The following ELP4 variants were observed in gnomAD, a reference collection of about 807,000 sequenced individuals.
ELP4 encodes the protein elongator complex protein 4.
Under a neutral mutation model 48.9 loss-of-function variants are expected in ELP4, and 51 were observed. The observed-to-expected ratio is 1.04, with a 90% CI of 0.83 to 1.32. The LOEUF (loss-of-function observed/expected upper bound fraction) is 1.32. Among genes scored for constraint, ELP4 ranks in the 40% most tolerant of loss-of-function variants. The probability of loss-of-function intolerance (pLI) is 0.00; values close to 1 mark genes in which losing one functional copy is unlikely to be tolerated. For synonymous variants in ELP4, 210 were observed against 189.2 expected, an observed-to-expected ratio of 1.11 and a Z score of -0.90; for missense variants, 519 against 514.6, an observed-to-expected ratio of 1.01 and a Z score of -0.08.
intron 4 of ELP4, among the ~76,000 whole-genome samples, chr11:31,596,679 G>A (rs1427207644): frequency 6.6e-6 from 1 of 152,062 alleles, no homozygotes; most frequent in Non-Finnish European, 1.5e-5. Flanking sequence ...TAATTTGTGT[G>A]GAAACTATTT....
At chr11:31,714,020 A>G (rs1946792834) in intron 9 of ELP4, among the ~76,000 whole-genome samples, 1 of 152,150 alleles carries the variant, frequency 6.6e-6, no homozygotes, top group South Asian at 2.1e-4. Context: ...AAGAATGCCA[A>G]GTAGAGTAGA....
chr11:31,572,852 A>C (rs1294196542), intron 3 of ELP4, among the ~76,000 whole-genome samples: 1 of 152,018 alleles, frequency 6.6e-6, no homozygotes, highest in African/African-American at 2.4e-5. Context: ...AAATAGGAAA[A>C]CAGTTAGCTG....
intron 9 of ELP4, among the ~76,000 whole-genome samples, chr11:31,661,524 G>A (rs1289123363): frequency 2.6e-5 from 4 of 151,944 alleles, no homozygotes; most frequent in East Asian, 1.9e-4. Flanking sequence ...GAGCATAGGT[G>A]TTATAAACGT....
chr11:31,603,918 G>C lies in ELP4; in HGVS notation c.653+11G>C. ...CAAAGTAGAACCCTGGTAAGTTAAT[G>C]ACCCATTTAATAACAAAATCTGATT... On this transcript the variant is annotated intron_variant, in intron 5 of 9. Transcript: ENST00000640961. 1 of 1,603,046 alleles carries C rather than the reference G, an allele frequency of 6.2e-7. No homozygotes were observed. The highest frequency in any genetic ancestry group is 8.5e-7 in the Non-Finnish European group (1 of 1,174,122).
chr11:31,578,510 C>T (rs185584555), intron 3 of ELP4, among the ~76,000 whole-genome samples: 15 of 152,168 alleles, frequency 9.9e-5, no homozygotes, highest in Admixed American at 4.6e-4. Flanking sequence ...AACAAAGCTG[C>T]GGGCATCGTG....
intron 9 of ELP4, among the ~76,000 whole-genome samples, chr11:31,679,292 A>C (rs998794087): frequency 6.6e-6 from 1 of 152,192 alleles, no homozygotes; most frequent in Non-Finnish European, 1.5e-5. Flanking sequence ...ACATGTCTTG[A>C]TTATGGTAGC....
chr11:31,769,520 G>C (rs769982625), intron 9 of ELP4, among the ~76,000 whole-genome samples: 1 of 152,198 alleles, frequency 6.6e-6, no homozygotes, highest in Non-Finnish European at 1.5e-5. Context: ...TCTGATTCCT[G>C]ACTTTTCACA....
chr11:31,556,348 T>C (rs1250884455), intron 3 of ELP4, among the ~76,000 whole-genome samples: 1 of 151,932 alleles, frequency 6.6e-6, no homozygotes, highest in African/African-American at 2.4e-5. Context: ...ATGATGAGTA[T>C]TTTCCATGAA....
chr11:31,549,562 T>C (rs1218329473), intron 3 of ELP4, among the ~76,000 whole-genome samples: 1 of 151,834 alleles, frequency 6.6e-6, no homozygotes, highest in Non-Finnish European at 1.5e-5. Flanking sequence ...GTTCAACCAT[T>C]GTGGAAGTCA....
chr11:31,777,769 G>A (rs1008409384), intron 9 of ELP4, among the ~76,000 whole-genome samples: 2 of 152,202 alleles, frequency 1.3e-5, no homozygotes, highest in Admixed American at 6.5e-5. Context: ...GTTGAGAATG[G>A]CAGACCAGTC....
intron 9 of ELP4, among the ~76,000 whole-genome samples, chr11:31,781,549 A>T (rs745928330): frequency 1.8e-5 from 2 of 112,710 alleles, no homozygotes; most frequent in African/African-American, 3.5e-5. Context: ...GCCAGACTGG[A>T]GTGCTGTGGC....
At chr11:31,650,463 G>T in intron 9 of ELP4, 1 of 338,146 alleles carries the variant, frequency 3.0e-6, no homozygotes. Flanking sequence ...TTAAAAGTAA[G>T]CTCCAAACTT....
intron 9 of ELP4, among the ~76,000 whole-genome samples, chr11:31,749,270 C>T (rs1272044259): frequency 6.6e-6 from 1 of 152,186 alleles, no homozygotes; most frequent in East Asian, 1.9e-4. Flanking sequence ...ATGCAGTTAT[C>T]TTAAGTGTGA....
intron 5 of ELP4, among the ~76,000 whole-genome samples, chr11:31,625,383 A>G (rs1346954272): frequency 6.6e-6 from 1 of 151,830 alleles, no homozygotes; most frequent in African/African-American, 2.4e-5. Context: ...GTTATTCACA[A>G]TAATCAACAT....
chr11:31,620,324 G>A (rs897901766), intron 5 of ELP4, among the ~76,000 whole-genome samples: 3 of 151,918 alleles, frequency 2.0e-5, no homozygotes, highest in African/African-American at 7.2e-5. Context: ...GGATTGAGAT[G>A]GTTAATTAAT....
intron 9 of ELP4, among the ~76,000 whole-genome samples, chr11:31,747,814 C>G (rs1159340898): frequency 6.6e-6 from 1 of 152,194 alleles, no homozygotes; most frequent in East Asian, 1.9e-4. Context: ...TGTGTGGCAA[C>G]AGAGATTCAC....
intron 9 of ELP4, among the ~76,000 whole-genome samples, chr11:31,711,417 T>C (rs1055467191): frequency 7.9e-5 from 12 of 152,138 alleles, no homozygotes; most frequent in African/African-American, 2.9e-4. Flanking sequence ...ATCTGAATCA[T>C]TTCCTCTATA....
intron 9 of ELP4, among the ~76,000 whole-genome samples, chr11:31,731,653 A>T (rs2134202496): frequency 6.6e-6 from 1 of 151,804 alleles, no homozygotes; most frequent in Non-Finnish European, 1.5e-5. Flanking sequence ...TTAAAGAAAT[A>T]GTGGAAACAA....
chr11:31,626,763 ATGATTACTCC>A (rs939526786), intron 5 of ELP4, among the ~76,000 whole-genome samples: 11 of 151,848 alleles, frequency 7.2e-5, no homozygotes, highest in African/African-American at 2.7e-4. Context: ...TTAATTATGT[ATGATTACTCC>A]TGAAAATCTA....
Sources: gnomAD v4.1 joint callset for allele counts (sites outside exome capture counted in the v4.1 genomes callset) on GRCh38, gnomAD v4.1.1 for gene constraint, MANE v1.5 for transcripts, NCBI Gene and HGNC (gene_info 2026-07-23, HGNC 2026-07-21) for gene names.